Variants in TRPM6 observed in about 807,000 individuals in gnomAD.
TRPM6 encodes the protein channel kinase 2.
Under a neutral mutation model 247.6 loss-of-function variants are expected in TRPM6, and 111 were observed. The ratio of observed to expected loss-of-function variants is 0.45; its 90% CI spans 0.38 to 0.52. The LOEUF is 0.52. Among genes scored for constraint, TRPM6 ranks in the 20% least tolerant of loss-of-function variants. The pLI is 0.00. For missense variants in TRPM6, 2,126 were observed against 2,421.5 expected (o/e 0.88, Z 2.56); for synonymous variants, 892 against 853.8 (o/e 1.04, Z -0.78).
chr9:74,834,663 G>A (rs564125633), intron 5 of TRPM6, among the ~76,000 whole-genome samples: 28 of 130,824 alleles, frequency 2.1e-4, no homozygotes, highest in African/African-American at 8.2e-4. Context: ...CTATGTCCAA[G>A]TGTTCTCATT....
rs1459776055 is a variant in TRPM6, at chr9:74,879,463, G to C, written c.33+8361C>G. ...CTTTCTTTGAGTCTTTTGTTATAAT[G>C]TCAGGTGTGTTAGGCCTCAGGGGAA... On this transcript the variant is annotated intron_variant, in intron 1 of 38. Transcript: ENST00000360774. Among the ~76,000 whole-genome samples the C allele has an allele frequency of 2.0e-5, 3 of 152,012 alleles. No individual in the cohort carries two copies. The East Asian group carries it at 5.8e-4, about 29-fold the overall frequency.
chr9:74,752,215 G>T (rs138113749), intron 29 of TRPM6, 62 bp downstream of exon 29: 1 of 906,688 alleles, frequency 1.1e-6, no homozygotes, highest in Non-Finnish European at 1.8e-6. Flanking sequence ...TAAAATGGGC[G>T]TAGTCAAGAG....
chr9:74,842,904 T>C (rs1829988959), intron 3 of TRPM6, among the ~76,000 whole-genome samples: 1 of 152,236 alleles, frequency 6.6e-6, no homozygotes. Flanking sequence ...TGGCTGGGGC[T>C]ATGTCTTAAA....
At chr9:74,822,127 T>C (rs563583100) in intron 7 of TRPM6, among the ~76,000 whole-genome samples, 17 of 152,252 alleles carry the variant, frequency 1.1e-4, no homozygotes, top group Non-Finnish European at 2.5e-4. Flanking sequence ...AAGTATTCCA[T>C]TACGGGAAAC....
At chr9:74,801,243 A>AT (rs59490187) in intron 16 of TRPM6, among the ~76,000 whole-genome samples, 881 of 85,292 alleles carry the variant, frequency 0.01, 25 homozygotes, top group Non-Finnish European at 0.014. Context: ...AAGCCTGGGA[A>AT]TTTTTTTTTT....
At chr9:74,838,269 T>C (rs1420368961) in intron 5 of TRPM6, among the ~76,000 whole-genome samples, 1 of 152,190 alleles carries the variant, frequency 6.6e-6, no homozygotes, top group Non-Finnish European at 1.5e-5. Flanking sequence ...CAATGAATTA[T>C]GTGAAACTTC....
rs766730523 is a variant in TRPM6, at chr9:74,771,682, GA to G, written c.3536+20del. ...ACGTTGTGTTAGTGGTTTCAGAATG[GA>G]AAAGATTTATATCTTTTACCTTTCT... On this transcript the variant is annotated intron_variant, in intron 25 of 38. Coordinates refer to ENST00000360774, the MANE Select transcript of TRPM6 (RefSeq NM_017662.5). 3.1e-6 allele frequency: 5 copies of G among 1,611,156 alleles called. No individual in the cohort carries two copies. In the African/African-American group the frequency reaches 6.7e-5, roughly 22 times the overall value.
rs1177355491 is a variant in TRPM6, at chr9:74,788,597, T to G, written c.2667+17A>C. On this transcript the variant is annotated intron_variant, in intron 20 of 38. Coordinates refer to ENST00000360774, the MANE Select transcript of TRPM6 (RefSeq NM_017662.5). ...TGAGGACATATGCAGAAGATAAAGGTAGATGGCATAACTCACCTCCCTGAC... is the reference window on the plus strand; with the variant it reads ...TGAGGACATATGCAGAAGATAAAGGGAGATGGCATAACTCACCTCCCTGAC... The G allele has an allele frequency of 1.9e-6, 3 of 1,613,560 alleles. No homozygotes were observed. Among genetic ancestry groups the G allele is most frequent in the Non-Finnish European group, 8.5e-7 (1 of 1,179,722 alleles).
intron 23 of TRPM6, among the ~76,000 whole-genome samples, chr9:74,776,784 T>C (rs1827240140): frequency 6.6e-6 from 1 of 152,168 alleles, no homozygotes; most frequent in African/African-American, 2.4e-5. Flanking sequence ...TATAATATGA[T>C]ATAAGAGGAA....
At chr9:74,828,793 T>C (rs919861412) in intron 6 of TRPM6, among the ~76,000 whole-genome samples, 3 of 152,014 alleles carry the variant, frequency 2.0e-5, no homozygotes, top group African/African-American at 7.2e-5. Flanking sequence ...CACGCTTGGC[T>C]AATTTTTGTA....
At chr9:74,805,664 T>C (rs1339111348) in intron 14 of TRPM6, among the ~76,000 whole-genome samples, 4 of 152,282 alleles carry the variant, frequency 2.6e-5, no homozygotes, top group South Asian at 4.1e-4. Context: ...AAGCAAACTA[T>C]ACCTGGGTGA....
chr9:74,757,555 G>T (rs1826470043), intron 27 of TRPM6, among the ~76,000 whole-genome samples: 1 of 118,312 alleles, frequency 8.5e-6, no homozygotes, highest in African/African-American at 3.3e-5. Context: ...GACAGAGAGA[G>T]ACCCTGTCAA....
intron 11 of TRPM6, among the ~76,000 whole-genome samples, chr9:74,815,023 A>G (rs533796461): frequency 1.3e-5 from 2 of 152,338 alleles, no homozygotes; most frequent in Non-Finnish European, 2.9e-5. Flanking sequence ...ACCAAAGGAA[A>G]GATAGGGAAC....
At chr9:74,843,222 C>T (rs553804856) in intron 3 of TRPM6, among the ~76,000 whole-genome samples, 4 of 152,254 alleles carry the variant, frequency 2.6e-5, no homozygotes, top group Admixed American at 2.6e-4. Flanking sequence ...TCAGTCACAC[C>T]CTTCAAGCTC....
At chr9:74,742,992 G>C (rs1364999988) in intron 32 of TRPM6, among the ~76,000 whole-genome samples, 1 of 152,176 alleles carries the variant, frequency 6.6e-6, no homozygotes, top group Non-Finnish European at 1.5e-5. Context: ...AAAGCACGGT[G>C]GGCTGTGGGG....
chr9:74,853,522 C>A (rs1830428899), intron 3 of TRPM6, among the ~76,000 whole-genome samples: 2 of 152,190 alleles, frequency 1.3e-5, no homozygotes, highest in East Asian at 1.9e-4. Context: ...AAGAAAAATT[C>A]TTCTGCCTTG....
chr9:74,753,560 G>T (rs1036343596), intron 28 of TRPM6, among the ~76,000 whole-genome samples: 1 of 149,052 alleles, frequency 6.7e-6, no homozygotes, highest in African/African-American at 2.6e-5. Flanking sequence ...AGCCAAGCAT[G>T]GTGGCACATG....
chr9:74,806,179 T>C (rs1224240031), intron 14 of TRPM6, among the ~76,000 whole-genome samples: 1 of 152,136 alleles, frequency 6.6e-6, no homozygotes, highest in Non-Finnish European at 1.5e-5. Flanking sequence ...GATAGGTACA[T>C]GTGGATTCAT....
intron 19 of TRPM6, among the ~76,000 whole-genome samples, chr9:74,790,587 G>A (rs1285654843): frequency 6.6e-6 from 1 of 152,120 alleles, no homozygotes; most frequent in African/African-American, 2.4e-5. Context: ...GCTGTTTGAG[G>A]TCAGTATTGA....
Sources: allele counts gnomAD v4.1 joint callset (sites outside exome capture counted in the v4.1 genomes callset), GRCh38; gene constraint gnomAD v4.1.1; transcripts MANE v1.5; gene names NCBI Gene and HGNC (gene_info 2026-07-23, HGNC 2026-07-21).